Variants in C14orf132 observed in about 807,000 individuals in gnomAD.
C14orf132 encodes the protein uncharacterized protein C14orf132.
C14orf132 carries 6 observed loss-of-function variants against 5.8 expected under a neutral mutation model. That is an observed-to-expected ratio of 1.03 (90% CI 0.57 to 2.04). The LOEUF is 2.04. Ranked by LOEUF, C14orf132 falls within the 30% of genes most tolerant of loss-of-function variation. The pLI, the probability that C14orf132 is intolerant of heterozygous loss-of-function variation, is 0.00. For missense variants in C14orf132, 125 were observed against 115.8 expected, an observed-to-expected ratio of 1.08 and a Z score of -0.37; for synonymous variants, 51 against 49.8, an observed-to-expected ratio of 1.02 and a Z score of -0.10.
At chr14:96,080,034 T>A (rs35280040) in intron 1 of C14orf132, among the ~76,000 whole-genome samples, 33,496 of 152,244 alleles carry the variant, frequency 0.22, 4,035 homozygotes, top group Non-Finnish European at 0.27. Context: ...TGTTGTTTAT[T>A]TGAAATTCGA....
intron 1 of C14orf132, among the ~76,000 whole-genome samples, chr14:96,067,707 A>G (rs993816134): frequency 6.6e-6 from 1 of 151,942 alleles, no homozygotes; most frequent in Admixed American, 6.6e-5. Context: ...CTAAAAAAAA[A>G]AAAAAAATTA....
At chr14:96,045,479 C>T (rs892608570) in intron 1 of C14orf132, among the ~76,000 whole-genome samples, 3 of 152,034 alleles carry the variant, frequency 2.0e-5, no homozygotes, top group East Asian at 3.9e-4. Flanking sequence ...CCAGGGAGCC[C>T]GAAACCAGCC....
intron 1 of C14orf132, among the ~76,000 whole-genome samples, chr14:96,082,450 G>A (rs1029555797): frequency 3.3e-5 from 5 of 152,114 alleles, no homozygotes; most frequent in Non-Finnish European, 7.3e-5. Flanking sequence ...TTCTGCTGTT[G>A]GAAGTTATTG....
intron 1 of C14orf132, among the ~76,000 whole-genome samples, chr14:96,071,992 G>A (rs991561586): frequency 2.0e-5 from 3 of 150,232 alleles, no homozygotes; most frequent in African/African-American, 7.6e-5. Flanking sequence ...TGTGAAGGGA[G>A]AAGCTCTTTT....
chr14:96,076,921 G>A (rs2139675826), intron 1 of C14orf132, among the ~76,000 whole-genome samples: 1 of 152,306 alleles, frequency 6.6e-6, no homozygotes, highest in Middle Eastern at 3.4e-3. Context: ...ATTTAGGAGT[G>A]TGTGATTTAG....
At chr14:96,081,912 T>G (rs983219615) in intron 1 of C14orf132, among the ~76,000 whole-genome samples, 2 of 152,136 alleles carry the variant, frequency 1.3e-5, no homozygotes, top group African/African-American at 2.4e-5. Context: ...CAAATGTTTT[T>G]TTGTTGTTGT....
At chr14:96,081,113 C>G (rs144541370) in intron 1 of C14orf132, among the ~76,000 whole-genome samples, 2 of 152,280 alleles carry the variant, frequency 1.3e-5, no homozygotes, top group Admixed American at 1.3e-4. Context: ...GAGGCAGCCA[C>G]GATCATGAAT....
intron 1 of C14orf132, among the ~76,000 whole-genome samples, chr14:96,081,069 A>T (rs1158296887): frequency 1.3e-5 from 2 of 152,160 alleles, no homozygotes; most frequent in African/African-American, 4.8e-5. Flanking sequence ...TGCAGATGAA[A>T]TCAGTCTGCT....
At position 96,086,830 on chromosome 14, in the gene C14orf132, G is replaced by A. The variant is rs1465120332; in HGVS notation, c.*95G>A. 2 of 1,252,058 alleles carry A rather than the reference G, an allele frequency of 1.6e-6. No individual in the cohort carries two copies. The highest frequency in any genetic ancestry group is 2.2e-6 in the Non-Finnish European group (2 of 914,216). 77.6% of individuals were successfully genotyped at this position (1,252,058 alleles called of 1,614,324 possible). A position where few individuals can be genotyped will look rare whatever the true frequency, so the allele number is the denominator to read the frequency against. Reference sequence around the variant, plus strand: ...CTTCTCCTGTGTTCTAGAACCAGGAGTTTTGACCAGGGGCGGCGGCCGTCC... The same window carrying A: ...CTTCTCCTGTGTTCTAGAACCAGGAATTTTGACCAGGGGCGGCGGCCGTCC... On this transcript the variant is annotated 3_prime_UTR_variant, in exon 2 of 2. Coordinates refer to ENST00000555004, the MANE Select transcript of C14orf132 (RefSeq NM_001252507.3).
intron 1 of C14orf132, among the ~76,000 whole-genome samples, chr14:96,064,774 C>T (rs1887481324): frequency 6.6e-6 from 1 of 152,022 alleles, no homozygotes; most frequent in South Asian, 2.1e-4. Context: ...CACTAAAGAA[C>T]TTACTCATGC....
At chr14:96,049,580 GTA>G (rs201847402) in intron 1 of C14orf132, among the ~76,000 whole-genome samples, 46 of 115,300 alleles carry the variant, frequency 4.0e-4, no homozygotes, top group East Asian at 1.1e-3. Context: ...ACATATATAC[GTA>G]TATATATACA....
At chr14:96,056,377 C>T (rs146930325) in intron 1 of C14orf132, among the ~76,000 whole-genome samples, 62 of 152,324 alleles carry the variant, frequency 4.1e-4, no homozygotes, top group African/African-American at 1.5e-3. Context: ...ACTGCTCTCA[C>T]ATTGTGCGAC....
rs1888277223 is a variant in C14orf132 at position 96,088,458 on chromosome 14, A to G, written c.*1723A>G. ...AAGGGACATGGACCACCTGTCTGGA[A>G]TTCCTGGAATCACTGGCAGGGTGGA... On this transcript the variant is annotated 3_prime_UTR_variant, in exon 2 of 2. Coordinates refer to ENST00000555004, the MANE Select transcript of C14orf132 (RefSeq NM_001252507.3). The G allele has an allele frequency of 6.6e-6, 1 of 152,286 alleles. No individual in the cohort carries two copies. The highest frequency in any genetic ancestry group is 6.5e-5 in the Admixed American group (1 of 15,276). 9.4% of individuals were successfully genotyped at this position (152,286 alleles called of 1,614,324 possible).
chr14:96,049,340 T>C (rs1209063000), intron 1 of C14orf132, among the ~76,000 whole-genome samples: 1 of 150,260 alleles, frequency 6.7e-6, no homozygotes, highest in Non-Finnish European at 1.5e-5. Context: ...TTTATTTTAT[T>C]TTATTTATTT....
At chr14:96,084,254 G>A (rs1888113447) in intron 1 of C14orf132, among the ~76,000 whole-genome samples, 1 of 152,224 alleles carries the variant, frequency 6.6e-6, no homozygotes, top group Admixed American at 6.5e-5. Context: ...AGGAACGCTG[G>A]TTAATTCCTG....
intron 1 of C14orf132, among the ~76,000 whole-genome samples, chr14:96,044,417 C>T (rs926779387): frequency 1.3e-5 from 2 of 152,218 alleles, no homozygotes; most frequent in Non-Finnish European, 2.9e-5. Context: ...TGGGCTCAAG[C>T]GATCCTCCTG....
intron 1 of C14orf132, among the ~76,000 whole-genome samples, chr14:96,053,116 G>T (rs1887076621): frequency 6.6e-6 from 1 of 152,152 alleles, no homozygotes; most frequent in African/African-American, 2.4e-5. Context: ...CTACCCAGAG[G>T]CCATTTAAAA....
Position 96,087,774 on chromosome 14 carries a change from G to C in C14orf132, c.*1039G>C, listed in dbSNP as rs545136718. 2 of 152,274 alleles carry C rather than the reference G, an allele frequency of 1.3e-5. No homozygotes were observed. Among genetic ancestry groups the C allele is most frequent in the East Asian group, 3.9e-4 (2 of 5,178 alleles). The allele number at this position is 152,274 out of a possible 1,614,324, so 9.4% of individuals were successfully genotyped here. ...GATACCCGTCCTTTACATTCAGTGT[G>C]GATACCGTGCATTCTCCTGAAGCTG... On this transcript the variant is annotated 3_prime_UTR_variant, in exon 2 of 2. Transcript: ENST00000555004.
In C14orf132 at chr14:96,090,715, G is replaced by T; in HGVS notation, c.*3980G>T. ...TGAGGGAGAAAGGATGGGAGGAGGG[G>T]CAGCAGCATTTCGCTGGAAAGGCAG... is the stretch of plus-strand genomic sequence containing the variant. On this transcript the variant is annotated 3_prime_UTR_variant, in exon 2 of 2. Transcript: ENST00000555004. 2.2e-6 allele frequency: 1 copy of T among 456,070 alleles called. No individual in the cohort carries two copies. The highest frequency in any genetic ancestry group is 4.4e-6 in the Non-Finnish European group (1 of 226,792). 28.3% of individuals were successfully genotyped at this position (456,070 alleles called of 1,614,324 possible).
Sources: allele counts gnomAD v4.1 joint callset (sites outside exome capture counted in the v4.1 genomes callset), GRCh38; gene constraint gnomAD v4.1.1; transcripts MANE v1.5; gene names NCBI Gene and HGNC (gene_info 2026-07-23, HGNC 2026-07-21).